SMCHD1: variants seen among roughly 807,000 people sequenced by gnomAD.
SMCHD1 encodes the protein structural maintenance of chromosomes flexible hinge domain-containing protein 1.
Under a neutral mutation model 254.7 loss-of-function variants are expected in SMCHD1, and 78 were observed. The observed-to-expected ratio is 0.31, with a 90% confidence interval of 0.26 to 0.37. SMCHD1 has a LOEUF of 0.37. SMCHD1 is among the 10% of genes least tolerant of loss of function. SMCHD1 has a pLI of 1.00. For synonymous variants in SMCHD1, 766 were observed against 794.9 expected (o/e 0.96, Z 0.61); for missense variants, 1,840 against 2,408.1 (o/e 0.76, Z 4.94).
chr18:2,782,505 C>T (rs369365636), intron 44 of SMCHD1, among the ~76,000 whole-genome samples: 2 of 151,824 alleles, frequency 1.3e-5, no homozygotes, highest in Non-Finnish European at 1.5e-5. Flanking sequence ...TTTGAGAGGC[C>T]AAGGCAGGAA....
At position 2,777,875 on chromosome 18, in the gene SMCHD1, C is replaced by G; in HGVS notation, c.5436C>G (p.Asp1812Glu). 1 of 1,550,368 alleles carries G rather than the reference C, an allele frequency of 6.5e-7. No individual in the cohort carries two copies. Among genetic ancestry groups the G allele is most frequent in the Non-Finnish European group, 8.7e-7 (1 of 1,145,582 alleles). The change falls in exon 43 of 48, where the codon GAC (aspartate) becomes GAG (glutamate). Residue 1812 changes from aspartate (D) to glutamate (E), a missense_variant. By Grantham distance (45) the Asp-to-Glu change is conservative. Around this residue, in one of 9 missense-constraint regions of SMCHD1, gnomAD observed 114 missense variants for 217.6 expected, o/e 0.52. Transcript: ENST00000320876. The stretch of plus-strand genomic sequence containing the variant: ...TTGGAGATCCAGTCTTTGCTCGAGA[C>G]TTGTTAACATTTCCAGATAATGTAG... ...KPIGDPVFARDLLTFPDNVEH... is the reference protein window; with the variant it reads ...KPIGDPVFARELLTFPDNVEH...
At chr18:2,778,977 T>A (rs2076111514) in intron 44 of SMCHD1, 1 of 152,226 alleles carries the variant, frequency 6.6e-6, no homozygotes, top group Admixed American at 6.5e-5. Context: ...TTATCTCAAT[T>A]GATGGTTCAC....
chr18:2,704,637 T>C (rs774103520), intron 13 of SMCHD1, among the ~76,000 whole-genome samples: 1 of 148,352 alleles, frequency 6.7e-6, no homozygotes, highest in East Asian at 2.0e-4. Context: ...TGGTTGGTCG[T>C]GTGGGCTGGA....
At chr18:2,667,352 A>G (rs2073468454) in intron 3 of SMCHD1, among the ~76,000 whole-genome samples, 1 of 152,154 alleles carries the variant, frequency 6.6e-6, no homozygotes, top group African/African-American at 2.4e-5. Flanking sequence ...ACCTTTCCCA[A>G]TTAAGAAAAT....
At chr18:2,706,530 A>G in intron 15 of SMCHD1, 60 bp downstream of exon 15, 1 of 1,190,024 alleles carries the variant, frequency 8.4e-7, no homozygotes. Flanking sequence ...ATTGTGCTGT[A>G]AGTATTCTGA....
chr18:2,786,500 C>T (rs578092629), intron 45 of SMCHD1, among the ~76,000 whole-genome samples: 37 of 151,880 alleles, frequency 2.4e-4, no homozygotes, highest in East Asian at 1.2e-3. Context: ...AAGACTAGCC[C>T]GGCCAACATG....
intron 9 of SMCHD1, 151 bp downstream of exon 9, chr18:2,697,273 A>G (rs2074304565): frequency 4.1e-6 from 2 of 486,664 alleles, no homozygotes; most frequent in Non-Finnish European, 7.4e-6. Context: ...ATATCCAACT[A>G]AAGAGATTAT....
In SMCHD1 at chr18:2,772,294, A is replaced by G. The variant is rs2075997797; in HGVS notation, c.5097A>G (p.Gln1699=). 3 of 1,608,110 alleles carry G rather than the reference A, an allele frequency of 1.9e-6. No homozygotes were observed. The highest frequency in any genetic ancestry group is 4.5e-5 in the East Asian group (2 of 44,508). ...TTCTGAAAAGAAAGCTATCAGAACA[A>G]GAAGAACTGAAGAAAAAACCTAGAA... is the stretch of plus-strand genomic sequence containing the variant. ...EALLKRKLSE[Q]EELKKKPRRS... is the part of the protein sequence containing the mutation. The change falls in exon 41 of 48, where the codon CAA becomes CAG. Residue 1699 remains glutamine (Q), a synonymous_variant. Coordinates refer to ENST00000320876, the MANE Select transcript of SMCHD1 (RefSeq NM_015295.3).
chr18:2,758,808 C>G (rs185607631), intron 34 of SMCHD1, among the ~76,000 whole-genome samples: 286 of 152,196 alleles, frequency 1.9e-3, no homozygotes, highest in African/African-American at 6.2e-3. Context: ...CTGCCCCCAC[C>G]CCATCCCCTG....
rs576987127 is a variant in SMCHD1, at chr18:2,758,492, C to T, written c.4347-2160C>T. Among the ~76,000 whole-genome samples the T allele has an allele frequency of 2.7e-4, 41 of 152,224 alleles. No individual in the cohort carries two copies. The South Asian group carries it at 4.6e-3, about 17-fold the overall frequency. Reference sequence around the variant, plus strand: ...AGGCATCATTTTTATTGCCTACAATCAGTGTTTATTGGGATTTACTCATTT... The same window carrying T: ...AGGCATCATTTTTATTGCCTACAATTAGTGTTTATTGGGATTTACTCATTT... On this transcript the variant is annotated intron_variant, in intron 34 of 47. Coordinates refer to ENST00000320876, the MANE Select transcript of SMCHD1 (RefSeq NM_015295.3).
chr18:2,751,533 A>G, intron 33 of SMCHD1, 140 bp downstream of exon 33: 1 of 574,934 alleles, frequency 1.7e-6, no homozygotes, highest in Non-Finnish European at 3.0e-6. Context: ...TTGGGGTTAA[A>G]GAAATTACAT....
intron 14 of SMCHD1, among the ~76,000 whole-genome samples, chr18:2,706,149 C>T (rs2074508140): frequency 6.6e-6 from 1 of 152,050 alleles, no homozygotes; most frequent in African/African-American, 2.4e-5. Flanking sequence ...TTCCCTATAC[C>T]ATGCTTTCTT....
At chr18:2,675,943 G>A (rs1047045609) in intron 5 of SMCHD1, among the ~76,000 whole-genome samples, 1 of 152,146 alleles carries the variant, frequency 6.6e-6, no homozygotes, top group Admixed American at 6.5e-5. Flanking sequence ...TTATGGGTTT[G>A]GTGTCAGTAA....
At chr18:2,778,506 A>G (rs1352732152) in intron 44 of SMCHD1, among the ~76,000 whole-genome samples, 1 of 152,218 alleles carries the variant, frequency 6.6e-6, no homozygotes, top group Non-Finnish European at 1.5e-5. Context: ...TTTTGGTGTA[A>G]AATGTAATTT....
chr18:2,683,652 C>G (rs897346123), intron 5 of SMCHD1, among the ~76,000 whole-genome samples: 1 of 152,072 alleles, frequency 6.6e-6, no homozygotes, highest in Non-Finnish European at 1.5e-5. Flanking sequence ...TGATATTATT[C>G]ATTTCTTTAT....
intron 24 of SMCHD1, among the ~76,000 whole-genome samples, chr18:2,730,792 A>G (rs754394032): frequency 6.6e-6 from 1 of 152,228 alleles, no homozygotes; most frequent in Non-Finnish European, 1.5e-5. Context: ...TTTACTTTTT[A>G]AATTAGAATG....
At chr18:2,671,800 G>T (rs527476304) in intron 3 of SMCHD1, among the ~76,000 whole-genome samples, 2 of 151,950 alleles carry the variant, frequency 1.3e-5, no homozygotes, top group Admixed American at 6.5e-5. Flanking sequence ...GGGTTTCACT[G>T]TGTTAGCCAG....
At position 2,744,067 on chromosome 18, in the gene SMCHD1, G is replaced by A. The variant is rs1009561700; in HGVS notation, c.3801+139G>A. ...TGTTAACAGTAAAAATAACAAAAAA[G>A]CAAGGTAATGTGAGTCTTAATACTT... On this transcript the variant is annotated intron_variant, in intron 29 of 47. Coordinates refer to ENST00000320876, the MANE Select transcript of SMCHD1 (RefSeq NM_015295.3). The A allele has an allele frequency of 5.6e-5, 37 of 662,212 alleles. No homozygotes were observed. The East Asian group carries it at 7.9e-4, about 14-fold the overall frequency. 41.0% of individuals were successfully genotyped at this position (662,212 alleles called of 1,614,324 possible).
intron 39 of SMCHD1, 137 bp from the exon 40 acceptor site, chr18:2,771,396 G>A (rs948880992): frequency 1.6e-6 from 1 of 615,176 alleles, no homozygotes; most frequent in African/African-American, 2.0e-5. Context: ...TTGAATTTCT[G>A]AAATGGTCAC....
Sources: gnomAD v4.1 joint callset for allele counts (sites outside exome capture counted in the v4.1 genomes callset) on GRCh38, gnomAD v4.1.1 for gene constraint, gnomAD v4.1.1 regional missense constraint, MANE v1.5 for transcripts, NCBI Gene and HGNC (gene_info 2026-07-23, HGNC 2026-07-21) for gene names.